Variants in ELAVL4 observed in about 807,000 individuals in gnomAD.
The protein encoded by ELAVL4 is ELAV-like protein 4.
In ELAVL4, 1 loss-of-function variant was observed where a neutral mutation model predicts 35.6. The observed-to-expected ratio is 0.03, with a 90% CI of 0.01 to 0.13. The LOEUF (loss-of-function observed/expected upper bound fraction) is 0.13, where lower values mean the gene tolerates loss of function less well. Among genes scored for constraint, ELAVL4 ranks in the 10% least tolerant of loss-of-function variants. The pLI, the probability that ELAVL4 is intolerant of heterozygous loss-of-function variation, is 1.00. For synonymous variants in ELAVL4, 156 were observed against 171.0 expected, an observed-to-expected ratio of 0.91 and a Z score of 0.69; for missense variants, 267 against 464.9, an observed-to-expected ratio of 0.57 and a Z score of 3.91.
chr1:50,154,868 G>A (rs1675445040), intron 2 of ELAVL4, among the ~76,000 whole-genome samples: 1 of 151,482 alleles, frequency 6.6e-6, no homozygotes, highest in African/African-American at 2.4e-5. Context: ...TTATTAGATA[G>A]TATGGAAAAA....
At chr1:50,133,429 A>G (rs886618441) in intron 1 of ELAVL4, among the ~76,000 whole-genome samples, 1 of 151,812 alleles carries the variant, frequency 6.6e-6, no homozygotes, top group Non-Finnish European at 1.5e-5. Flanking sequence ...GTCCAGTTTT[A>G]CTCCTGCCTC....
chr1:50,078,078 C>T (rs78239825), intron 1 of ELAVL4, among the ~76,000 whole-genome samples: 4,241 of 150,626 alleles, frequency 0.028, 167 homozygotes, highest in African/African-American at 0.098. Flanking sequence ...TAGGACAGAG[C>T]CTGGCATTTA....
intron 2 of ELAVL4, among the ~76,000 whole-genome samples, chr1:50,168,684 G>C (rs922591750): frequency 2.0e-5 from 3 of 152,084 alleles, no homozygotes; most frequent in Non-Finnish European, 4.4e-5. Context: ...CCACTCACGA[G>C]CGGTGAATCA....
upstream of ELAVL4, among the ~76,000 whole-genome samples, chr1:50,102,273 G>A (rs1286543703): frequency 1.3e-5 from 2 of 149,172 alleles, no homozygotes; most frequent in South Asian, 4.2e-4. Flanking sequence ...GCGTCAAAGC[G>A]AGACTCCATC....
intron 1 of ELAVL4, among the ~76,000 whole-genome samples, chr1:50,119,038 A>G (rs998223131): frequency 4.1e-5 from 2 of 48,634 alleles, no homozygotes; most frequent in South Asian, 6.1e-4. Flanking sequence ...AAGAAAGAAA[A>G]AGAAAGAAAG....
intron 1 of ELAVL4, among the ~76,000 whole-genome samples, chr1:50,052,731 G>C (rs908756937): frequency 6.6e-6 from 1 of 152,158 alleles, no homozygotes; most frequent in Non-Finnish European, 1.5e-5. Context: ...AGTTTACTCA[G>C]AGGAACCTAA....
At chr1:50,149,223 C>G (rs1026767320) in intron 2 of ELAVL4, among the ~76,000 whole-genome samples, 3 of 151,904 alleles carry the variant, frequency 2.0e-5, no homozygotes, top group Non-Finnish European at 4.4e-5. Flanking sequence ...CATGGTGAAA[C>G]CCCGTCTCTA....
chr1:50,193,913 T>A lies in ELAVL4; in HGVS notation c.503T>A (p.Val168Asp), dbSNP rs751438360. ...IITSRILVDQ[V>D]TGVSRGVGFI... ...ACCTCACGAATCCTGGTTGATCAAGTCACAGGTTAAGTGTTTCTTTGTAAT... is the reference window on the plus strand; with the variant it reads ...ACCTCACGAATCCTGGTTGATCAAGACACAGGTTAAGTGTTTCTTTGTAAT... Residue 168 changes from valine to aspartate, a missense_variant, in exon 4 of 7, where the codon GTC becomes GAC. Val to Asp is a radical substitution (Grantham distance 152, BLOSUM62 -3). This residue lies in a region of ELAVL4 where 216 missense variants were observed against 409.5 expected (regional missense o/e 0.53). Transcript: ENST00000371824. The A allele has an allele frequency of 6.2e-7, 1 of 1,613,948 alleles. No individual in the cohort carries two copies. The highest frequency in any genetic ancestry group is 1.7e-5 in the Admixed American group (1 of 60,002).
At chr1:50,139,952 C>T (rs1003267488) in intron 1 of ELAVL4, among the ~76,000 whole-genome samples, 3 of 152,276 alleles carry the variant, frequency 2.0e-5, no homozygotes, top group Admixed American at 6.5e-5. Context: ...TGAGTGCCTA[C>T]GTTATTGTGC....
intron 1 of ELAVL4, among the ~76,000 whole-genome samples, chr1:50,090,155 A>G (rs1046476996): frequency 3.3e-5 from 5 of 152,170 alleles, no homozygotes; most frequent in Non-Finnish European, 5.9e-5. Flanking sequence ...GGCAGAGGTT[A>G]TGTATGACAA....
At chr1:50,121,115 GT>G (rs1428216112) in intron 1 of ELAVL4, among the ~76,000 whole-genome samples, 3 of 151,990 alleles carry the variant, frequency 2.0e-5, no homozygotes, top group Non-Finnish European at 4.4e-5. Flanking sequence ...TTTGTTGGGG[GT>G]TTTGTTTTTA....
intron 5 of ELAVL4, 137 bp downstream of exon 5, chr1:50,195,923 C>G: frequency 1.0e-6 from 1 of 975,374 alleles, no homozygotes; most frequent in Non-Finnish European, 1.5e-6. Flanking sequence ...AAACTCCCCC[C>G]GAGCCTCAGT....
intron 6 of ELAVL4, 21 bp downstream of exon 6, chr1:50,197,488 T>A: frequency 6.4e-7 from 1 of 1,561,976 alleles, no homozygotes; most frequent in South Asian, 1.2e-5. Context: ...CTCCACAGAT[T>A]GCCAGATGTC....
At chr1:50,180,315 A>T (rs1226845637) in intron 3 of ELAVL4, 1 of 152,186 alleles carries the variant, frequency 6.6e-6, no homozygotes, top group Non-Finnish European at 1.5e-5. Flanking sequence ...GGAAATGCTC[A>T]TTGGTGCATT....
chr1:50,134,724 G>T (rs1671596316), intron 1 of ELAVL4, among the ~76,000 whole-genome samples: 1 of 152,130 alleles, frequency 6.6e-6, no homozygotes, highest in Non-Finnish European at 1.5e-5. Flanking sequence ...GAACCGAATT[G>T]TGGGGGATGA....
chr1:50,160,004 A>AT (rs1055419980), intron 2 of ELAVL4, among the ~76,000 whole-genome samples: 11 of 152,246 alleles, frequency 7.2e-5, no homozygotes, highest in Non-Finnish European at 1.2e-4. Flanking sequence ...CACACTAGGC[A>AT]TTTTTTTGAA....
rs368795420 is a variant in ELAVL4, at chr1:50,109,166, G to A, written c.-24G>A. On this transcript the variant is annotated 5_prime_UTR_variant, in exon 1 of 7. Transcript: ENST00000371824. ...TTTAACAGAAGAGTCGAAGCTCTGC[G>A]AGACCCAATATTTGCCAATAAGAAT... 7.5e-6 allele frequency: 12 copies of A among 1,610,196 alleles called. No individual in the cohort carries two copies. In the East Asian group the frequency reaches 1.8e-4, roughly 24 times the overall value.
chr1:50,137,896 AC>A (rs1672148240), intron 1 of ELAVL4, among the ~76,000 whole-genome samples: 1 of 152,138 alleles, frequency 6.6e-6, no homozygotes. Flanking sequence ...AGCATCAGTC[AC>A]CACTAGCATC....
chr1:50,197,517 G>A, intron 6 of ELAVL4, 50 bp downstream of exon 6: 2 of 1,476,748 alleles, frequency 1.4e-6, no homozygotes, highest in Non-Finnish European at 1.8e-6. Flanking sequence ...CACAGACTGG[G>A]GCTAGAATTT....
Sources: gnomAD v4.1 joint callset for allele counts (sites outside exome capture counted in the v4.1 genomes callset) on GRCh38, gnomAD v4.1.1 for gene constraint, gnomAD v4.1.1 regional missense constraint, MANE v1.5 for transcripts, NCBI Gene and HGNC (gene_info 2026-07-23, HGNC 2026-07-21) for gene names.